Variants in NRTN observed in about 807,000 individuals in gnomAD.
NRTN encodes the protein neurturin, also known as prepro-neurturin.
Under a neutral mutation model 7.5 loss-of-function variants are expected in NRTN, and 3 were observed. That is an observed-to-expected ratio of 0.40 (90% confidence interval 0.18 to 1.03). The LOEUF is 1.03. NRTN is among the 50% of genes least tolerant of loss of function. The probability of loss-of-function intolerance (pLI) is 0.34; values close to 1 mark genes in which losing one functional copy is unlikely to be tolerated. For synonymous variants in NRTN, 157 were observed against 146.6 expected, an observed-to-expected ratio of 1.07 and a Z score of -0.51; for missense variants, 310 against 307.0, an observed-to-expected ratio of 1.01 and a Z score of -0.07.
Position 5,822,779 on chromosome 19 carries a change from T to C in NRTN, c.-398-989T>C, listed in dbSNP as rs550264433. 3.3e-5 allele frequency among the ~76,000 whole-genome samples: 5 copies of C among 152,158 alleles called. No homozygotes were observed. In the South Asian group the frequency reaches 6.2e-4, roughly 19 times the overall value. On this transcript the variant is annotated intron_variant, in intron 1 of 2. Coordinates refer to ENST00000303212, the MANE Select transcript of NRTN (RefSeq NM_004558.5). ...TCTTTGGGAGGCCAAAGTGGAAGGA[T>C]AGCTTGAGCCCAGGAGTTTGAGACC...
chr19:5,805,609 G>T (rs1012266911), intron 1 of NRTN, among the ~76,000 whole-genome samples, 158 bp downstream of exon 1: 11 of 152,050 alleles, frequency 7.2e-5, no homozygotes, highest in Admixed American at 2.6e-4. Flanking sequence ...GGGGTCAGAG[G>T]GACGACAGGT....
At chr19:5,815,360 T>TGTGC (rs992204320) in intron 1 of NRTN, among the ~76,000 whole-genome samples, 1 of 151,658 alleles carries the variant, frequency 6.6e-6, no homozygotes, top group African/African-American at 2.4e-5. Context: ...TGTGTGTGTG[T>TGTGC]GCAAACACCA....
intron 1 of NRTN, among the ~76,000 whole-genome samples, chr19:5,822,882 C>T (rs4807814): frequency 0.66 from 99,753 of 151,874 alleles, 33,015 homozygotes; most frequent in Middle Eastern, 0.72. Flanking sequence ...TAGCCAGGCA[C>T]GGTGGCTCAT....
chr19:5,828,015 C>T lies in NRTN; in HGVS notation c.436C>T (p.Arg146Ter). 1 of 1,434,306 alleles carries T rather than the reference C, an allele frequency of 7.0e-7. No homozygotes were observed. Among genetic ancestry groups the T allele is most frequent in the South Asian group, 1.4e-5 (1 of 70,300 alleles). The allele number at this position is 1,434,306 out of a possible 1,614,324, so 88.8% of individuals were successfully genotyped here. ...AAARVYDLGL[R>*]RLRQRRRLRR... ...CGCGCGCGTCTACGACCTCGGGCTG[C>T]GACGACTGCGCCAGCGGCGGCGCCT... Residue 146 changes from arginine (R) to a stop codon, truncating the protein, a stop_gained, in exon 3 of 3, where the codon CGA becomes TGA. Transcript: ENST00000303212. LOFTEE classifies it low-confidence loss of function (END_TRUNC).
In NRTN at chr19:5,823,783, C is replaced by G; in HGVS notation, c.-383C>G. The G allele has an allele frequency of 2.7e-6, 1 of 365,458 alleles. No homozygotes were observed. Among genetic ancestry groups the G allele is most frequent in the Non-Finnish European group, 5.2e-6 (1 of 193,838 alleles). The allele number at this position is 365,458 out of a possible 1,614,324, so 22.6% of individuals were successfully genotyped here. A position where few individuals can be genotyped will look rare whatever the true frequency, so the allele number is the denominator to read the frequency against. On this transcript the variant is annotated 5_prime_UTR_variant, in exon 2 of 3. Transcript: ENST00000303212. The stretch of plus-strand genomic sequence containing the variant: ...GGCTCCTCAGCTGCAGCCGCTCCGG[C>G]CTCCTTGCTGTTCCTGGGATACGCC...
intron 1 of NRTN, among the ~76,000 whole-genome samples, chr19:5,819,915 A>T (rs10424887): frequency 6.6e-6 from 1 of 152,018 alleles, no homozygotes; most frequent in African/African-American, 2.4e-5. Context: ...TGGAATGACT[A>T]TATCTGTGTT....
chr19:5,828,251 G>C lies in NRTN; in HGVS notation c.*78G>C. 6.8e-7 allele frequency: 1 copy of C among 1,460,430 alleles called. No individual in the cohort carries two copies. Among genetic ancestry groups the C allele is most frequent in the African/African-American group, 1.4e-5 (1 of 70,276 alleles). The allele number at this position is 1,460,430 out of a possible 1,614,324, so 90.5% of individuals were successfully genotyped here. On this transcript the variant is annotated 3_prime_UTR_variant, in exon 3 of 3. Coordinates refer to ENST00000303212, the MANE Select transcript of NRTN (RefSeq NM_004558.5). The stretch of plus-strand genomic sequence containing the variant: ...ACTGGCCGGCCCCGCGAAAGACTGC[G>C]CGTGCGTAGAGCACGCCGGCGCGGC...
Position 5,828,205 on chromosome 19 carries a change from T to G in NRTN, c.*32T>G, listed in dbSNP as rs1016787844. Reference sequence around the variant, plus strand: ...CTCACTCGGCCGGCGCGGCGGCCACTCCCCCCGCCTCGACGGCACCACTGG... The same window carrying G: ...CTCACTCGGCCGGCGCGGCGGCCACGCCCCCCGCCTCGACGGCACCACTGG... On this transcript the variant is annotated 3_prime_UTR_variant, in exon 3 of 3. Coordinates refer to ENST00000303212, the MANE Select transcript of NRTN (RefSeq NM_004558.5). 4 of 1,519,662 alleles carry G rather than the reference T, an allele frequency of 2.6e-6. No individual in the cohort carries two copies. In the Admixed American group the frequency reaches 8.0e-5, roughly 30 times the overall value. The allele number at this position is 1,519,662 out of a possible 1,614,324, so 94.1% of individuals were successfully genotyped here.
chr19:5,805,940 TCGCCGC>T (rs71172773), intron 1 of NRTN, among the ~76,000 whole-genome samples: 3 of 151,568 alleles, frequency 2.0e-5, no homozygotes, highest in South Asian at 2.1e-4. Context: ...CGTTCCCTGC[TCGCCGC>T]CGCCGCCGCC....
Position 5,806,920 on chromosome 19 carries a change from C to T in NRTN, c.-399+1469C>T, listed in dbSNP as rs1252964067. Among the ~76,000 whole-genome samples, 25 of 152,140 alleles carry T rather than the reference C, an allele frequency of 1.6e-4. No homozygotes were observed. Among genetic ancestry groups the T allele is most frequent in the Admixed American group, 1.5e-3 (23 of 15,256 alleles). ...AAAGATTGTTTCGACAAATGTGTGT[C>T]GATGGCAACCGCGTGGTTGACTGGT... On this transcript the variant is annotated intron_variant, in intron 1 of 2. Coordinates refer to ENST00000303212, the MANE Select transcript of NRTN (RefSeq NM_004558.5). This position sits in a 1 kb window ranked among gnomAD's most constrained non-coding sequence, Gnocchi z 5.4.
chr19:5,805,977 T>C (rs953890672), intron 1 of NRTN, among the ~76,000 whole-genome samples: 2 of 151,948 alleles, frequency 1.3e-5, no homozygotes, highest in Non-Finnish European at 2.9e-5. Flanking sequence ...TGTCCTCCGG[T>C]GAGGGCCGGG....
chr19:5,808,757 C>CTTTT (rs60945267), intron 1 of NRTN, among the ~76,000 whole-genome samples: 2 of 130,402 alleles, frequency 1.5e-5, no homozygotes, highest in African/African-American at 3.0e-5. Context: ...TCAATGGTGG[C>CTTTT]TTTTTTTTTT....
rs936467430 is a variant in NRTN at position 5,805,285 on chromosome 19, G to GT, written c.-565_-564insT. 1.4e-5 allele frequency among the ~76,000 whole-genome samples: 2 copies of GT among 145,772 alleles called. No individual in the cohort carries two copies. Among genetic ancestry groups the GT allele is most frequent in the Non-Finnish European group, 3.0e-5 (2 of 65,612 alleles). ...AGCCCGCGGCTAAGCGAGCCCGGGG[G>GT]GCCCCATGGGCCGGCCCGCGCCGCA... is the stretch of plus-strand genomic sequence containing the variant. On this transcript the variant is annotated 5_prime_UTR_variant, in exon 1 of 3. Transcript: ENST00000303212.
At chr19:5,811,853 G>GTTATTA (rs549865175) in intron 1 of NRTN, among the ~76,000 whole-genome samples, 3 of 150,348 alleles carry the variant, frequency 2.0e-5, no homozygotes, top group African/African-American at 7.3e-5. Context: ...ACCCGGCCCA[G>GTTATTA]TTATTATTAT....
intron 1 of NRTN, among the ~76,000 whole-genome samples, chr19:5,816,963 CT>C (rs1286450025): frequency 6.6e-6 from 1 of 152,142 alleles, no homozygotes; most frequent in African/African-American, 2.4e-5. Context: ...CGGTGGTGTT[CT>C]GGTGTGTGGA....
rs1451072452 is a variant in NRTN at position 5,823,977 on chromosome 19, G to A, written c.-189G>A. 69 of 776,940 alleles carry A rather than the reference G, an allele frequency of 8.9e-5. No individual in the cohort carries two copies. The highest frequency in any genetic ancestry group is 6.3e-6 in the Non-Finnish European group (3 of 479,088). The allele number at this position is 776,940 out of a possible 1,614,324, so 48.1% of individuals were successfully genotyped here. On this transcript the variant is annotated 5_prime_UTR_variant, in exon 2 of 3. An upstream open reading frame in the 5' UTR gains an earlier in-frame stop. Coordinates refer to ENST00000303212, the MANE Select transcript of NRTN (RefSeq NM_004558.5). ...TGGGGGCGGTTCCCTGTGACTCCTG[G>A]CACGGAGGCCAACCCCTTCCTTGTT...
intron 1 of NRTN, among the ~76,000 whole-genome samples, chr19:5,823,331 C>T (rs926595613): frequency 3.9e-5 from 6 of 152,082 alleles, no homozygotes; most frequent in African/African-American, 1.2e-4. Flanking sequence ...GCAGGAGAAT[C>T]GCTTGAACCC....
chr19:5,826,600 A>C (rs1276417342), intron 2 of NRTN, among the ~76,000 whole-genome samples: 1 of 152,182 alleles, frequency 6.6e-6, no homozygotes, highest in Non-Finnish European at 1.5e-5. Flanking sequence ...CAGGTGCACC[A>C]GCCCGGGGGG....
intron 1 of NRTN, among the ~76,000 whole-genome samples, chr19:5,821,117 G>A (rs1489073759): frequency 6.6e-6 from 1 of 152,168 alleles, no homozygotes; most frequent in Non-Finnish European, 1.5e-5. Flanking sequence ...CCCACCCCCA[G>A]TGAATCTAGC....
Sources: allele counts gnomAD v4.1 joint callset (sites outside exome capture counted in the v4.1 genomes callset), GRCh38; gene constraint gnomAD v4.1.1; non-coding constraint Gnocchi (gnomAD v3.1); transcripts MANE v1.5; gene names NCBI Gene and HGNC (gene_info 2026-07-23, HGNC 2026-07-21).